The following PARD3 variants were observed in gnomAD, a reference collection of about 807,000 sequenced individuals.
The protein encoded by PARD3 is par-3 family cell polarity regulator.
A neutral mutation model predicts 155.4 loss-of-function variants in PARD3; 75 were observed. The ratio of observed to expected loss-of-function variants is 0.48; its 90% CI spans 0.40 to 0.58. The LOEUF is 0.58. Among genes scored for constraint, PARD3 ranks in the 20% least tolerant of loss-of-function variants. PARD3 has a pLI of 0.00. For missense variants in PARD3, 1,642 were observed against 1,721.7 expected, an observed-to-expected ratio of 0.95 and a Z score of 0.82; for synonymous variants, 576 against 610.5, an observed-to-expected ratio of 0.94 and a Z score of 0.83.
At chr10:34,573,772 CACACACACACACAG>C (rs1286576243) in intron 2 of PARD3, among the ~76,000 whole-genome samples, 42 of 140,024 alleles carry the variant, frequency 3.0e-4, no homozygotes, top group African/African-American at 9.8e-4. Flanking sequence ...CACACACACA[CACACACACACACAG>C]AGAATCAGCC....
chr10:34,444,128 T>C (rs563038105), intron 5 of PARD3, among the ~76,000 whole-genome samples: 2 of 152,334 alleles, frequency 1.3e-5, no homozygotes, highest in South Asian at 2.1e-4. Context: ...CATTCCCCTA[T>C]AACAGAGCTT....
At chr10:34,523,673 T>C (rs1336122570) in intron 2 of PARD3, among the ~76,000 whole-genome samples, 1 of 152,046 alleles carries the variant, frequency 6.6e-6, no homozygotes, top group Non-Finnish European at 1.5e-5. Flanking sequence ...TAAAGAAGAA[T>C]GTAACAGAAG....
chr10:34,798,692 G>A (rs1444306130), intron 1 of PARD3, among the ~76,000 whole-genome samples: 1 of 129,476 alleles, frequency 7.7e-6, no homozygotes, highest in Non-Finnish European at 1.6e-5. Flanking sequence ...GGAACAGAGT[G>A]AGACTCTGTC....
At chr10:34,679,141 A>G (rs542807040) in intron 2 of PARD3, among the ~76,000 whole-genome samples, 1 of 151,512 alleles carries the variant, frequency 6.6e-6, no homozygotes, top group South Asian at 2.1e-4. Flanking sequence ...AAAGGGCAAA[A>G]CCTCAAGTAA....
chr10:34,250,083 TG>T (rs764286623), intron 22 of PARD3, among the ~76,000 whole-genome samples: 8 of 152,098 alleles, frequency 5.3e-5, no homozygotes, highest in Admixed American at 5.2e-4. Flanking sequence ...TCCTAATTCT[TG>T]GAACATATGA....
rs140087455 is a variant in PARD3, at chr10:34,752,114, A to G, written c.121-55695T>C. 3.0e-3 allele frequency among the ~76,000 whole-genome samples: 464 copies of G among 152,256 alleles called. 2 individuals carry two copies. The highest frequency in any genetic ancestry group is 3.0e-3 in the Non-Finnish European group (201 of 68,018). Reference sequence around the variant, plus strand: ...TAATTTAGTCATATTTTCTTACAGAATAACAATGTATTTTTGTGGGGGGGT... The same window carrying G: ...TAATTTAGTCATATTTTCTTACAGAGTAACAATGTATTTTTGTGGGGGGGT... On this transcript the variant is annotated intron_variant, in intron 1 of 24. Coordinates refer to ENST00000374788, the MANE Select transcript of PARD3 (RefSeq NM_001184785.2).
At chr10:34,811,862 C>CA (rs1663076763) in intron 1 of PARD3, among the ~76,000 whole-genome samples, 1 of 152,172 alleles carries the variant, frequency 6.6e-6, no homozygotes, top group Admixed American at 6.5e-5. Flanking sequence ...TCCATCCTCC[C>CA]ATCCTGCGCC....
At chr10:34,661,360 CAAAT>C (rs1221367888) in intron 2 of PARD3, among the ~76,000 whole-genome samples, 2 of 152,072 alleles carry the variant, frequency 1.3e-5, no homozygotes, top group Non-Finnish European at 2.9e-5. Context: ...AAGAAATGTA[CAAAT>C]AAAGTACCTC....
intron 22 of PARD3, among the ~76,000 whole-genome samples, chr10:34,230,850 A>C (rs1952885829): frequency 6.6e-6 from 1 of 152,068 alleles, no homozygotes; most frequent in Non-Finnish European, 1.5e-5. Context: ...CAACACAATG[A>C]GACCTCATCT....
intron 3 of PARD3, 104 bp from the exon 4 acceptor site, chr10:34,470,367 A>C (rs2078271683): frequency 1.1e-6 from 1 of 871,140 alleles, no homozygotes. Flanking sequence ...ACAGAATTAC[A>C]CTTTTGTAAA....
chr10:34,680,428 T>TCA (rs1242537998), intron 2 of PARD3, among the ~76,000 whole-genome samples: 1 of 151,652 alleles, frequency 6.6e-6, no homozygotes, highest in Non-Finnish European at 1.5e-5. Flanking sequence ...GGTATGGTGG[T>TCA]GGGAGCCTGT....
At chr10:34,796,416 G>A (rs1398360695) in intron 1 of PARD3, among the ~76,000 whole-genome samples, 2 of 152,242 alleles carry the variant, frequency 1.3e-5, no homozygotes, top group East Asian at 3.9e-4. Flanking sequence ...TAAGTTTTGG[G>A]TTGGTTATGC....
At chr10:34,382,948 T>A in intron 8 of PARD3, 26 bp from the exon 9 acceptor site, 2 of 1,610,914 alleles carry the variant, frequency 1.2e-6, no homozygotes, top group African/African-American at 1.3e-5. Flanking sequence ...AATAGAAAAT[T>A]AGCAAATTAA....
intron 22 of PARD3, among the ~76,000 whole-genome samples, chr10:34,240,057 A>G (rs1953482519): frequency 6.6e-6 from 1 of 152,210 alleles, no homozygotes; most frequent in Admixed American, 6.5e-5. Flanking sequence ...TCAGTGATTT[A>G]GCGTATGACC....
At chr10:34,548,718 A>G (rs1367610121) in intron 2 of PARD3, among the ~76,000 whole-genome samples, 1 of 151,894 alleles carries the variant, frequency 6.6e-6, no homozygotes, top group East Asian at 1.9e-4. Flanking sequence ...TCTGATTCCA[A>G]GGAAAAAGCC....
At chr10:34,162,508 A>G (rs1224625205) in intron 22 of PARD3, among the ~76,000 whole-genome samples, 3 of 152,264 alleles carry the variant, frequency 2.0e-5, no homozygotes, top group South Asian at 2.1e-4. Context: ...GTGAGTATGT[A>G]TATACACATA....
intron 12 of PARD3, among the ~76,000 whole-genome samples, chr10:34,361,729 A>C (rs1229241415): frequency 3.9e-5 from 6 of 152,204 alleles, no homozygotes; most frequent in Non-Finnish European, 8.8e-5. Context: ...AAATATGTAA[A>C]GTTAACATTT....
chr10:34,559,922 T>C (rs774077910), intron 2 of PARD3, among the ~76,000 whole-genome samples: 7 of 152,150 alleles, frequency 4.6e-5, no homozygotes, highest in Admixed American at 3.3e-4. Flanking sequence ...ATCGTTCACA[T>C]TATATAGGGC....
intron 1 of PARD3, among the ~76,000 whole-genome samples, chr10:34,707,698 A>AACAC (rs144825530): frequency 1.3e-5 from 2 of 152,166 alleles, no homozygotes; most frequent in African/African-American, 4.8e-5. Flanking sequence ...GGTTACCATG[A>AACAC]ACACACACAC....
Sources: gnomAD v4.1 joint callset for allele counts (sites outside exome capture counted in the v4.1 genomes callset) on GRCh38, gnomAD v4.1.1 for gene constraint, MANE v1.5 for transcripts, NCBI Gene and HGNC (gene_info 2026-07-23, HGNC 2026-07-21) for gene names.